Variants in SDK1 observed in about 807,000 individuals in gnomAD.
SDK1 encodes the protein protein sidekick-1.
SDK1 carries 157 observed loss-of-function variants against 245.5 expected under a neutral mutation model. That is an observed-to-expected ratio of 0.64 (90% confidence interval 0.56 to 0.73). The LOEUF (loss-of-function observed/expected upper bound fraction) is 0.73, where lower values mean the gene tolerates loss of function less well. Among genes scored for constraint, SDK1 ranks in the 30% least tolerant of loss-of-function variants. SDK1 has a pLI of 0.00. For synonymous variants in SDK1, 1,647 were observed against 1,278.5 expected, an observed-to-expected ratio of 1.29 and a Z score of -6.15; for missense variants, 3,583 against 3,002.3, an observed-to-expected ratio of 1.19 and a Z score of -4.52.
chr7:3,801,818 C>T (rs558708257), intron 4 of SDK1, among the ~76,000 whole-genome samples: 2 of 152,276 alleles, frequency 1.3e-5, no homozygotes, highest in African/African-American at 4.8e-5. Flanking sequence ...TTCTCACCTC[C>T]GTCTTCATGT....
chr7:3,459,919 A>G (rs925353523), intron 1 of SDK1, among the ~76,000 whole-genome samples: 1 of 152,178 alleles, frequency 6.6e-6, no homozygotes, highest in Non-Finnish European at 1.5e-5. Context: ...TTCAATATGT[A>G]ATTTGCTTTT....
intron 4 of SDK1, among the ~76,000 whole-genome samples, chr7:3,796,296 A>T (rs188364836): frequency 6.6e-6 from 1 of 152,366 alleles, no homozygotes. Flanking sequence ...TGGTCAGAGG[A>T]AATGGAAGGG....
intron 30 of SDK1, among the ~76,000 whole-genome samples, chr7:4,157,826 A>G (rs1780863612): frequency 6.6e-6 from 1 of 152,132 alleles, no homozygotes; most frequent in African/African-American, 2.4e-5. Flanking sequence ...GCACCGTGTC[A>G]GCCCCAGTGA....
intron 1 of SDK1, among the ~76,000 whole-genome samples, chr7:3,544,987 C>G (rs754117215): frequency 2.6e-5 from 4 of 152,142 alleles, no homozygotes; most frequent in Non-Finnish European, 5.9e-5. Flanking sequence ...TCCCTAACTT[C>G]TGCCTGCCTT....
At chr7:4,088,566 T>G (rs958359827) in intron 22 of SDK1, among the ~76,000 whole-genome samples, 1 of 152,168 alleles carries the variant, frequency 6.6e-6, no homozygotes, top group Non-Finnish European at 1.5e-5. Flanking sequence ...TTTTTTTTTT[T>G]TAAAGCATAA....
chr7:3,710,332 A>G lies in SDK1; in HGVS notation c.713+68227A>G, dbSNP rs149742461. Among the ~76,000 whole-genome samples the G allele has an allele frequency of 3.9e-3, 600 of 152,338 alleles. 5 individuals are homozygous for G. The highest frequency in any genetic ancestry group is 9.8e-3 in the Admixed American group (150 of 15,308). ...GGCGTGAGATCCTCACATACTGAAC[A>G]CACACTTAGTAACTTTCTTGTTGAC... On this transcript the variant is annotated intron_variant, in intron 4 of 44. Coordinates refer to ENST00000404826, the MANE Select transcript of SDK1 (RefSeq NM_152744.4).
rs1780917493 is a variant in SDK1 at position 4,079,447 on chromosome 7, C to T, written c.3203-16C>T. On this transcript the variant is annotated splice_polypyrimidine_tract_variant and intron_variant, in intron 21 of 44. Coordinates refer to ENST00000404826, the MANE Select transcript of SDK1 (RefSeq NM_152744.4). Reference sequence around the variant, plus strand: ...GGACTGTAAATCTCTCCCTTTCCTCCCTGGTTCCTCTCTAGACCTTCCTGG... The same window carrying T: ...GGACTGTAAATCTCTCCCTTTCCTCTCTGGTTCCTCTCTAGACCTTCCTGG... The T allele has an allele frequency of 1.2e-6, 2 of 1,613,754 alleles. No individual in the cohort carries two copies. The highest frequency in any genetic ancestry group is 1.7e-5 in the Admixed American group (1 of 59,990).
intron 1 of SDK1, among the ~76,000 whole-genome samples, chr7:3,316,025 G>A (rs1009982877): frequency 1.1e-4 from 17 of 152,180 alleles, no homozygotes; most frequent in Middle Eastern, 3.4e-3. Context: ...TGATTCTAGT[G>A]TCAAATTCTC....
rs114610896 is a variant in SDK1, at chr7:4,146,576, G to A, written c.4423+660G>A. On this transcript the variant is annotated intron_variant, in intron 29 of 44. Transcript: ENST00000404826. ...AGGTTTAAGGAAAGCAACATTGCTC[G>A]CAGAGGCTGAGTACCTGGGGCAAGG... Among the ~76,000 whole-genome samples the A allele has an allele frequency of 5.6e-3, 857 of 152,370 alleles. 11 individuals carry two copies. The highest frequency in any genetic ancestry group is 0.02 in the African/African-American group (812 of 41,590).
chr7:4,051,021 GTA>G lies in SDK1; in HGVS notation c.2719-613_2719-612del, dbSNP rs1228377187. Among the ~76,000 whole-genome samples the G allele has an allele frequency of 7.7e-3, 1,072 of 139,666 alleles. 13 individuals are homozygous for G. The highest frequency in any genetic ancestry group is 0.027 in the African/African-American group (1,003 of 37,564). 91.6% of individuals were successfully genotyped at this position (139,666 alleles called of 152,430 possible). A position where few individuals can be genotyped will look rare whatever the true frequency, so the allele number is the denominator to read the frequency against. ...ATGTTATATATAGTATACTATATGT[GTA>G]TATGTTATGTATGTTATATATAGTA... On this transcript the variant is annotated intron_variant, in intron 18 of 44. Coordinates refer to ENST00000404826, the MANE Select transcript of SDK1 (RefSeq NM_152744.4).
At chr7:3,423,758 A>T (rs576317869) in intron 1 of SDK1, among the ~76,000 whole-genome samples, 2 of 152,292 alleles carry the variant, frequency 1.3e-5, no homozygotes, top group Non-Finnish European at 2.9e-5. Context: ...GACAAATACC[A>T]TATCAGTTTC....
chr7:3,398,468 G>A (rs941473823), intron 1 of SDK1, among the ~76,000 whole-genome samples: 12 of 151,710 alleles, frequency 7.9e-5, no homozygotes, highest in Non-Finnish European at 1.6e-4. Flanking sequence ...GGACTGAGTT[G>A]TATAATCACC....
chr7:3,706,281 C>T (rs536486802), intron 4 of SDK1, among the ~76,000 whole-genome samples: 1 of 152,286 alleles, frequency 6.6e-6, no homozygotes, highest in Non-Finnish European at 1.5e-5. Context: ...ACTGGCTTCA[C>T]AGATGAGTTA....
chr7:3,459,933 T>G (rs1780783356), intron 1 of SDK1, among the ~76,000 whole-genome samples: 1 of 152,216 alleles, frequency 6.6e-6, no homozygotes, highest in Non-Finnish European at 1.5e-5. Flanking sequence ...TGCTTTTAAT[T>G]TTAAGAAACT....
intron 4 of SDK1, among the ~76,000 whole-genome samples, chr7:3,717,959 TA>T (rs78072470): frequency 1.6e-3 from 234 of 142,576 alleles, no homozygotes; most frequent in South Asian, 3.8e-3. Flanking sequence ...AGACAGCATT[TA>T]AAAAAAAAAA....
chr7:3,473,926 T>C (rs1781261782), intron 1 of SDK1, among the ~76,000 whole-genome samples: 1 of 151,998 alleles, frequency 6.6e-6, no homozygotes, highest in Non-Finnish European at 1.5e-5. Flanking sequence ...GAATGTGGAC[T>C]TTGGAGCCCA....
At chr7:4,084,609 A>G (rs991117238) in intron 22 of SDK1, among the ~76,000 whole-genome samples, 5 of 152,274 alleles carry the variant, frequency 3.3e-5, no homozygotes, top group South Asian at 2.1e-4. Context: ...CTGAAGCATC[A>G]TGAGTTCATA....
chr7:3,369,069 G>C (rs1781159784), intron 1 of SDK1, among the ~76,000 whole-genome samples: 1 of 151,594 alleles, frequency 6.6e-6, no homozygotes, highest in Admixed American at 6.6e-5. Flanking sequence ...TTTTGAGACA[G>C]AGTCTTGCTC....
chr7:3,713,879 G>A (rs977046955), intron 4 of SDK1, among the ~76,000 whole-genome samples: 2 of 152,102 alleles, frequency 1.3e-5, no homozygotes, highest in African/African-American at 2.4e-5. Flanking sequence ...AAACAAAACC[G>A]AGAGTCAGGA....
Sources: gnomAD v4.1 joint callset for allele counts (sites outside exome capture counted in the v4.1 genomes callset) on GRCh38, gnomAD v4.1.1 for gene constraint, MANE v1.5 for transcripts, NCBI Gene and HGNC (gene_info 2026-07-23, HGNC 2026-07-21) for gene names.